CSMD3: variants seen among roughly 807,000 people sequenced by gnomAD.
CSMD3 encodes the protein CUB and sushi domain-containing protein 3.
A neutral mutation model predicts 435.2 loss-of-function variants in CSMD3; 177 were observed. That is an observed-to-expected ratio of 0.41 (90% CI 0.36 to 0.46). The LOEUF (loss-of-function observed/expected upper bound fraction) is 0.46. Among genes scored for constraint, CSMD3 ranks in the 20% least tolerant of loss-of-function variants. The pLI is 0.34. For synonymous variants in CSMD3, 1,656 were observed against 1,520.5 expected (o/e 1.09, Z -2.07); for missense variants, 4,265 against 4,504.6 (o/e 0.95, Z 1.52).
At chr8:112,277,811 G>T (rs1025314019) in intron 59 of CSMD3, among the ~76,000 whole-genome samples, 2 of 152,036 alleles carry the variant, frequency 1.3e-5, no homozygotes, top group African/African-American at 4.8e-5. Flanking sequence ...AAGTGAAAGG[G>T]GACACCCCTT....
At position 113,334,284 on chromosome 8, in the gene CSMD3, T is replaced by TTG. The variant is rs1410323338; in HGVS notation, c.179-19492_179-19491insCA. Among the ~76,000 whole-genome samples, 85 of 91,976 alleles carry TTG rather than the reference T, an allele frequency of 9.2e-4. No individual in the cohort carries two copies. In the East Asian group the frequency reaches 0.022, roughly 24 times the overall value. The allele number at this position is 91,976 out of a possible 152,430, so 60.3% of individuals were successfully genotyped here. A position where few individuals can be genotyped will look rare whatever the true frequency, so the allele number is the denominator to read the frequency against. ...CAACTAGGGATAGTTTAAGTTTTTT[T>TTG]TTTTTTTTTTTCATTTCCAGCCTGT... On this transcript the variant is annotated intron_variant, in intron 1 of 70. Coordinates refer to ENST00000297405, the MANE Select transcript of CSMD3 (RefSeq NM_198123.2).
At chr8:112,838,049 T>C (rs771205700) in intron 11 of CSMD3, among the ~76,000 whole-genome samples, 8 of 151,576 alleles carry the variant, frequency 5.3e-5, no homozygotes, top group Non-Finnish European at 1.2e-4. Flanking sequence ...CCTGTGTTGA[T>C]TGCTTTGGGA....
Position 113,314,600 on chromosome 8 carries a change from T to C in CSMD3, c.372A>G (p.Gly124=), listed in dbSNP as rs540319644. ...TCCTAAAGTTTGTAGGATGAGGATG[T>C]CCATCATATAATGATAAGTAGTCGT... ...EEYDYLSLYD[G]HPHPTNFRTR... is the part of the protein sequence containing the mutation. Residue 124 remains glycine, a synonymous_variant, in exon 2 of 71, where the codon GGA becomes GGG. Coordinates refer to ENST00000297405, the MANE Select transcript of CSMD3 (RefSeq NM_198123.2). 1.9e-6 allele frequency: 3 copies of C among 1,605,732 alleles called. No individual in the cohort carries two copies. The highest frequency in any genetic ancestry group is 2.2e-5 in the East Asian group (1 of 44,716).
intron 5 of CSMD3, among the ~76,000 whole-genome samples, chr8:113,033,050 C>T (rs1436874968): frequency 6.6e-6 from 1 of 151,516 alleles, no homozygotes; most frequent in Non-Finnish European, 1.5e-5. Context: ...TGGGAGTCTC[C>T]ACCTAGATTT....
chr8:112,894,646 G>A (rs1038726512), intron 10 of CSMD3, among the ~76,000 whole-genome samples: 2 of 151,070 alleles, frequency 1.3e-5, no homozygotes, highest in Non-Finnish European at 3.0e-5. Context: ...TCAATATTTT[G>A]TTGCTATTTT....
chr8:113,190,889 T>C (rs1218731845), intron 3 of CSMD3, among the ~76,000 whole-genome samples: 2 of 151,852 alleles, frequency 1.3e-5, no homozygotes, highest in Non-Finnish European at 2.9e-5. Flanking sequence ...ATTTATTTCA[T>C]ATTGAGTGTA....
intron 47 of CSMD3, among the ~76,000 whole-genome samples, chr8:112,316,926 CAAAAAATTTTTTAAATGGACT>C (rs1241796693): frequency 7.9e-5 from 12 of 151,820 alleles, no homozygotes; most frequent in Non-Finnish European, 1.8e-4. Flanking sequence ...TAGGAAAAGT[CAAAAAATTTTTTAAATGGACT>C]AAAAACGATG....
intron 32 of CSMD3, among the ~76,000 whole-genome samples, chr8:112,462,794 A>T (rs772922461): frequency 1.4e-4 from 21 of 152,136 alleles, no homozygotes; most frequent in Non-Finnish European, 2.6e-4. Context: ...CCTCTGCCTC[A>T]TATCTGGGCA....
At chr8:112,415,905 G>A (rs948777392) in intron 32 of CSMD3, among the ~76,000 whole-genome samples, 3 of 152,180 alleles carry the variant, frequency 2.0e-5, no homozygotes, top group African/African-American at 7.2e-5. Flanking sequence ...CCAAATGCCT[G>A]TACCCCCATT....
chr8:112,560,530 AC>A (rs1828528428), intron 24 of CSMD3, among the ~76,000 whole-genome samples: 1 of 151,704 alleles, frequency 6.6e-6, no homozygotes, highest in Non-Finnish European at 1.5e-5. Flanking sequence ...AATTTGAGAG[AC>A]CATTTTTAAA....
intron 11 of CSMD3, among the ~76,000 whole-genome samples, chr8:112,852,057 T>C (rs1056822744): frequency 6.6e-6 from 1 of 151,992 alleles, no homozygotes; most frequent in Non-Finnish European, 1.5e-5. Context: ...GTTATTTTGG[T>C]GGGTTTCAAA....
intron 36 of CSMD3, among the ~76,000 whole-genome samples, chr8:112,387,549 T>A (rs921168063): frequency 2.6e-5 from 4 of 151,512 alleles, no homozygotes; most frequent in African/African-American, 9.7e-5. Flanking sequence ...CTAGCATCCA[T>A]GTAAATGGTT....
At chr8:112,879,951 A>G (rs1019693397) in intron 10 of CSMD3, among the ~76,000 whole-genome samples, 5 of 152,102 alleles carry the variant, frequency 3.3e-5, no homozygotes, top group African/African-American at 1.2e-4. Flanking sequence ...GCATAACATT[A>G]GGAGAAATAT....
intron 35 of CSMD3, among the ~76,000 whole-genome samples, chr8:112,395,220 C>T (rs1237908299): frequency 6.6e-6 from 1 of 152,054 alleles, no homozygotes; most frequent in African/African-American, 2.4e-5. Flanking sequence ...ATCAAGCAGC[C>T]TAAGTTCAAA....
intron 30 of CSMD3, among the ~76,000 whole-genome samples, chr8:112,494,060 C>T (rs1048223051): frequency 6.6e-6 from 1 of 151,936 alleles, no homozygotes; most frequent in Non-Finnish European, 1.5e-5. Context: ...TTAACTATAC[C>T]AGTAAGAATA....
At chr8:112,441,516 G>A (rs1286136524) in intron 32 of CSMD3, among the ~76,000 whole-genome samples, 1 of 152,082 alleles carries the variant, frequency 6.6e-6, no homozygotes, top group Admixed American at 6.6e-5. Flanking sequence ...TGTCTTTCCA[G>A]CAGCACACCA....
intron 1 of CSMD3, among the ~76,000 whole-genome samples, chr8:113,399,600 T>A (rs1488562666): frequency 1.3e-5 from 2 of 151,700 alleles, no homozygotes; most frequent in Non-Finnish European, 2.9e-5. Flanking sequence ...AGACAACATA[T>A]AGAGATAAAA....
At chr8:113,084,547 A>T (rs2089683411) in intron 5 of CSMD3, among the ~76,000 whole-genome samples, 1 of 151,532 alleles carries the variant, frequency 6.6e-6, no homozygotes, top group African/African-American at 2.4e-5. Flanking sequence ...TACAGATTCA[A>T]TGGAATCTCT....
intron 10 of CSMD3, among the ~76,000 whole-genome samples, chr8:112,898,935 T>C (rs1053052281): frequency 1.3e-5 from 2 of 151,248 alleles, no homozygotes; most frequent in African/African-American, 4.8e-5. Flanking sequence ...TCTTATTGTG[T>C]AACCTGCAAA....
Sources: gnomAD v4.1 joint callset for allele counts (sites outside exome capture counted in the v4.1 genomes callset) on GRCh38, gnomAD v4.1.1 for gene constraint, MANE v1.5 for transcripts, NCBI Gene and HGNC (gene_info 2026-07-23, HGNC 2026-07-21) for gene names.